The following KIF26B variants were observed in gnomAD, a reference collection of about 807,000 sequenced individuals.
KIF26B encodes the protein kinesin family member 26B, also known as kinesin-like protein KIF26B.
KIF26B carries 63 observed loss-of-function variants against 151.2 expected under a neutral mutation model. The ratio of observed to expected loss-of-function variants is 0.42; its 90% CI spans 0.34 to 0.51. The LOEUF (loss-of-function observed/expected upper bound fraction) is 0.51. Ranked by LOEUF, KIF26B falls within the 20% of genes least tolerant of loss-of-function variation. The pLI, the probability that KIF26B is intolerant of heterozygous loss-of-function variation, is 0.07. For synonymous variants in KIF26B, 1,357 were observed against 1,262.1 expected (o/e 1.08, Z -1.59); for missense variants, 2,813 against 2,913.6 (o/e 0.97, Z 0.79).
intron 3 of KIF26B, among the ~76,000 whole-genome samples, chr1:245,408,974 T>C (rs1674207149): frequency 6.6e-6 from 1 of 152,242 alleles, no homozygotes; most frequent in African/African-American, 2.4e-5. Context: ...GCAATGGTGA[T>C]AATGATGATC....
intron 10 of KIF26B, among the ~76,000 whole-genome samples, chr1:245,663,978 C>A (rs541600432): frequency 1.3e-5 from 2 of 152,326 alleles, no homozygotes; most frequent in East Asian, 3.9e-4. Flanking sequence ...GCCTGTTCTG[C>A]TTATTTATCT....
Position 245,259,485 on chromosome 1 carries a change from C to T in KIF26B, c.465+102802C>T, listed in dbSNP as rs182734571. On this transcript the variant is annotated intron_variant, in intron 2 of 14. Transcript: ENST00000407071. The stretch of plus-strand genomic sequence containing the variant: ...TTGTCATGATTCTAGAGAATAAGGC[C>T]GGAGGAAGTGAGCATGCTGATACTA... 1.4e-3 allele frequency among the ~76,000 whole-genome samples: 211 copies of T among 152,166 alleles called. 1 individual carries two copies. The highest frequency in any genetic ancestry group is 4.8e-3 in the African/African-American group (198 of 41,510).
chr1:245,449,181 A>G (rs1490931838), intron 4 of KIF26B, among the ~76,000 whole-genome samples: 2 of 152,236 alleles, frequency 1.3e-5, no homozygotes. Context: ...TGCAGCTGCC[A>G]TCGGCATCAA....
chr1:245,485,610 C>T (rs1660265441), intron 4 of KIF26B, among the ~76,000 whole-genome samples: 2 of 152,204 alleles, frequency 1.3e-5, no homozygotes, highest in Non-Finnish European at 2.9e-5. Flanking sequence ...TCTCAGACTC[C>T]TGACCTCAAG....
intron 12 of KIF26B, among the ~76,000 whole-genome samples, chr1:245,690,533 C>T (rs992691389): frequency 1.3e-5 from 2 of 152,188 alleles, no homozygotes; most frequent in East Asian, 3.9e-4. Flanking sequence ...GGGCTGTGGT[C>T]AGTGAACATT....
intron 10 of KIF26B, among the ~76,000 whole-genome samples, chr1:245,682,014 G>A (rs1400716678): frequency 2.6e-5 from 4 of 152,172 alleles, no homozygotes; most frequent in Non-Finnish European, 4.4e-5. Context: ...AGGCCGAGGC[G>A]GGCGGATCGC....
chr1:245,698,074 GACTA>G lies in KIF26B; in HGVS notation c.5825-28_5825-25del. 6.3e-7 allele frequency: 1 copy of G among 1,582,792 alleles called. No individual in the cohort carries two copies. The highest frequency in any genetic ancestry group is 8.6e-7 in the Non-Finnish European group (1 of 1,163,684). ...CAACAAAAAAATTGAAATTCAGAAAGACTAACTCTCTGGGCTTATCCCCCTCCTC... is the reference window on the plus strand; with the variant it reads ...CAACAAAAAAATTGAAATTCAGAAAGACTCTCTGGGCTTATCCCCCTCCTC... On this transcript the variant is annotated intron_variant, in intron 12 of 14. Coordinates refer to ENST00000407071, the MANE Select transcript of KIF26B (RefSeq NM_018012.4). This position sits in a 1 kb window ranked among gnomAD's most constrained non-coding sequence, Gnocchi z 4.0.
chr1:245,429,948 A>G (rs1658738966), intron 4 of KIF26B, among the ~76,000 whole-genome samples: 1 of 152,134 alleles, frequency 6.6e-6, no homozygotes, highest in East Asian at 1.9e-4. Context: ...AAAAACTGGT[A>G]CCAAACAATA....
chr1:245,659,047 T>C (rs548885629), intron 10 of KIF26B, among the ~76,000 whole-genome samples: 3 of 151,158 alleles, frequency 2.0e-5, no homozygotes, highest in South Asian at 2.1e-4. Context: ...CTGGGCAACA[T>C]AGTGAGACTC....
In KIF26B at chr1:245,158,596, G is replaced by A. The variant is rs547504383; in HGVS notation, c.465+1913G>A. Reference sequence around the variant, plus strand: ...GAGTGATCCAAGGACATCTAGAGAAGACCTGGCAGTCATGGGGGCAGTCAC... The same window carrying A: ...GAGTGATCCAAGGACATCTAGAGAAAACCTGGCAGTCATGGGGGCAGTCAC... On this transcript the variant is annotated intron_variant, in intron 2 of 14. Transcript: ENST00000407071. Among the ~76,000 whole-genome samples, 50 of 152,326 alleles carry A rather than the reference G, an allele frequency of 3.3e-4. No individual in the cohort carries two copies. The East Asian group carries it at 5.6e-3, about 17-fold the overall frequency.
intron 4 of KIF26B, among the ~76,000 whole-genome samples, chr1:245,496,773 A>G (rs1034872900): frequency 6.6e-6 from 1 of 152,218 alleles, no homozygotes; most frequent in African/African-American, 2.4e-5. Flanking sequence ...TTTAAAGACA[A>G]CAAAATCTAA....
At chr1:245,249,996 T>G (rs1435206591) in intron 2 of KIF26B, among the ~76,000 whole-genome samples, 1 of 152,160 alleles carries the variant, frequency 6.6e-6, no homozygotes. Context: ...ATCTATCAAA[T>G]TTTAAAAATT....
At chr1:245,568,923 TA>T (rs1302111383) in intron 5 of KIF26B, among the ~76,000 whole-genome samples, 1 of 152,208 alleles carries the variant, frequency 6.6e-6, no homozygotes, top group East Asian at 1.9e-4. Flanking sequence ...AACTAGAGAT[TA>T]AATCCTGTGA....
chr1:245,515,237 T>C (rs1295364850), intron 4 of KIF26B, among the ~76,000 whole-genome samples: 1 of 150,814 alleles, frequency 6.6e-6, no homozygotes, highest in East Asian at 1.9e-4. Flanking sequence ...GGCTGGCTCC[T>C]TTCTTCTCTC....
At chr1:245,682,138 C>A (rs893283214) in intron 10 of KIF26B, among the ~76,000 whole-genome samples, 2 of 152,020 alleles carry the variant, frequency 1.3e-5, no homozygotes, top group Non-Finnish European at 2.9e-5. Flanking sequence ...CCAGCTACTC[C>A]GGAGGCTGAG....
chr1:245,447,143 C>T (rs1659265772), intron 4 of KIF26B, among the ~76,000 whole-genome samples: 2 of 152,176 alleles, frequency 1.3e-5, no homozygotes, highest in African/African-American at 4.8e-5. Context: ...TCCTCTCAAG[C>T]TGGTGCCTTC....
intron 4 of KIF26B, among the ~76,000 whole-genome samples, chr1:245,521,206 G>A (rs12095541): frequency 0.22 from 33,938 of 151,848 alleles, 4,572 homozygotes; most frequent in East Asian, 0.43. Flanking sequence ...GTGTGGTGGC[G>A]AGCACCTGTA....
At chr1:245,413,874 G>A (rs1455670291) in intron 3 of KIF26B, among the ~76,000 whole-genome samples, 1 of 152,200 alleles carries the variant, frequency 6.6e-6, no homozygotes, top group South Asian at 2.1e-4. Context: ...CAGCCGAATG[G>A]ATCAGCATCC....
intron 3 of KIF26B, among the ~76,000 whole-genome samples, chr1:245,411,171 TA>T (rs1209502101): frequency 3.9e-5 from 6 of 152,168 alleles, no homozygotes; most frequent in Admixed American, 2.0e-4. Context: ...AAATCCTGCT[TA>T]GGAAAGGTTC....
Sources: allele counts gnomAD v4.1 joint callset (sites outside exome capture counted in the v4.1 genomes callset), GRCh38; gene constraint gnomAD v4.1.1; non-coding constraint Gnocchi (gnomAD v3.1); transcripts MANE v1.5; gene names NCBI Gene and HGNC (gene_info 2026-07-23, HGNC 2026-07-21).